Variants in PTPRT observed in about 807,000 individuals in gnomAD.
PTPRT encodes the protein protein tyrosine phosphatase receptor type T.
Under a neutral mutation model 176.8 loss-of-function variants are expected in PTPRT, and 56 were observed. That is an observed-to-expected ratio of 0.32 (90% CI 0.26 to 0.40). The LOEUF (loss-of-function observed/expected upper bound fraction) is 0.40. Ranked by LOEUF, PTPRT falls within the 10% of genes least tolerant of loss-of-function variation. The pLI, the probability that PTPRT is intolerant of heterozygous loss-of-function variation, is 1.00. For synonymous variants in PTPRT, 783 were observed against 739.0 expected (o/e 1.06, Z -0.96); for missense variants, 1,540 against 1,908.2 (o/e 0.81, Z 3.60).
At chr20:43,044,986 C>G (rs986242673) in intron 1 of PTPRT, among the ~76,000 whole-genome samples, 4 of 152,224 alleles carry the variant, frequency 2.6e-5, no homozygotes, top group Non-Finnish European at 1.5e-5. Context: ...GATGGGGTAA[C>G]AGCCTCTAAT....
intron 9 of PTPRT, among the ~76,000 whole-genome samples, chr20:42,426,664 T>C (rs1301003150): frequency 6.6e-6 from 1 of 152,170 alleles, no homozygotes; most frequent in Non-Finnish European, 1.5e-5. Context: ...CCCTGGATGC[T>C]GCTGTGGGGC....
At chr20:42,368,056 A>C (rs1484374980) in intron 9 of PTPRT, among the ~76,000 whole-genome samples, 1 of 152,150 alleles carries the variant, frequency 6.6e-6, no homozygotes, top group Non-Finnish European at 1.5e-5. Flanking sequence ...AAGTTGGTGC[A>C]GGAGTCCCAC....
At chr20:42,389,852 CAA>C (rs769093573) in intron 9 of PTPRT, among the ~76,000 whole-genome samples, 7 of 127,186 alleles carry the variant, frequency 5.5e-5, no homozygotes, top group Admixed American at 1.6e-4. Flanking sequence ...AAAACCCTGT[CAA>C]AAAAAAAAAA....
At chr20:42,294,767 A>G (rs2057364792) in intron 12 of PTPRT, among the ~76,000 whole-genome samples, 1 of 152,062 alleles carries the variant, frequency 6.6e-6, no homozygotes, top group Non-Finnish European at 1.5e-5. Flanking sequence ...CAAGTGAAAA[A>G]CCAAAATATA....
At chr20:42,915,509 C>G (rs1196037558) in intron 1 of PTPRT, among the ~76,000 whole-genome samples, 2 of 152,204 alleles carry the variant, frequency 1.3e-5, no homozygotes, top group Non-Finnish European at 2.9e-5. Context: ...CACATTCTGT[C>G]CCACACAGCT....
At chr20:42,550,970 G>T (rs1397026416) in intron 7 of PTPRT, among the ~76,000 whole-genome samples, 2 of 152,060 alleles carry the variant, frequency 1.3e-5, no homozygotes, top group Non-Finnish European at 2.9e-5. Context: ...AATTGGACTC[G>T]ATTCTCCCCT....
intron 14 of PTPRT, among the ~76,000 whole-genome samples, chr20:42,243,362 C>G (rs780839715): frequency 6.6e-6 from 1 of 152,124 alleles, no homozygotes; most frequent in Non-Finnish European, 1.5e-5. Context: ...CTACAACCAC[C>G]GGGTAGTGTG....
intron 1 of PTPRT, among the ~76,000 whole-genome samples, chr20:42,896,245 G>A (rs1473030348): frequency 1.3e-5 from 2 of 151,658 alleles, no homozygotes; most frequent in Non-Finnish European, 2.9e-5. Flanking sequence ...TTGGCCAGAA[G>A]GTCTGACAAC....
intron 5 of PTPRT, among the ~76,000 whole-genome samples, chr20:42,769,848 T>C (rs1330288224): frequency 6.6e-6 from 1 of 152,210 alleles, no homozygotes; most frequent in Non-Finnish European, 1.5e-5. Flanking sequence ...AGAATAATTC[T>C]GTAGGAAAGA....
At chr20:42,219,483 C>T (rs186611773) in intron 15 of PTPRT, among the ~76,000 whole-genome samples, 125 of 152,274 alleles carry the variant, frequency 8.2e-4, no homozygotes, top group Non-Finnish European at 1.0e-3. Flanking sequence ...AGGAGGCTCA[C>T]CACTTCCCTT....
intron 15 of PTPRT, among the ~76,000 whole-genome samples, chr20:42,223,424 C>T (rs886075476): frequency 2.6e-5 from 4 of 152,202 alleles, no homozygotes; most frequent in African/African-American, 4.8e-5. Context: ...CCAGTCCATG[C>T]TCTTTTCGCT....
chr20:42,767,072 A>C (rs1342756679), intron 5 of PTPRT, among the ~76,000 whole-genome samples: 1 of 152,160 alleles, frequency 6.6e-6, no homozygotes, highest in African/African-American at 2.4e-5. Context: ...GAAACTGGCC[A>C]CTGCCTTGGC....
chr20:42,550,829 C>G (rs1269076737), intron 7 of PTPRT, among the ~76,000 whole-genome samples: 1 of 152,134 alleles, frequency 6.6e-6, no homozygotes, highest in Non-Finnish European at 1.5e-5. Context: ...ATCTATCATA[C>G]ACTTGGTTTT....
chr20:42,612,437 G>T (rs1327493719), intron 7 of PTPRT, among the ~76,000 whole-genome samples: 5 of 152,140 alleles, frequency 3.3e-5, no homozygotes, highest in Admixed American at 6.5e-5. Context: ...CCAGGCAGCA[G>T]CTGAGACTCC....
intron 1 of PTPRT, among the ~76,000 whole-genome samples, chr20:43,070,364 T>A (rs2011164050): frequency 6.6e-6 from 1 of 152,200 alleles, no homozygotes; most frequent in Admixed American, 6.5e-5. Flanking sequence ...GGAACACTTT[T>A]ACACTGTTGG....
At position 42,291,524 on chromosome 20, in the gene PTPRT, T is replaced by C. The variant is rs2057316400; in HGVS notation, c.2140-8999A>G. 2.6e-5 allele frequency among the ~76,000 whole-genome samples: 4 copies of C among 152,148 alleles called. No individual in the cohort carries two copies. The South Asian group carries it at 8.3e-4, about 31-fold the overall frequency. ...GGTTGTGTTTAAAAGTTTAGTACAC[T>C]AAAGTAAGTGAGAAGTGCCAGGTGC... is the stretch of plus-strand genomic sequence containing the variant. On this transcript the variant is annotated intron_variant, in intron 12 of 30. Transcript: ENST00000373187.
At chr20:42,546,535 T>C (rs983886843) in intron 7 of PTPRT, among the ~76,000 whole-genome samples, 1 of 152,130 alleles carries the variant, frequency 6.6e-6, no homozygotes, top group Non-Finnish European at 1.5e-5. Flanking sequence ...CAGGCCATAT[T>C]TAATTTCCTT....
the PTPRT span, among the ~76,000 whole-genome samples, chr20:42,037,082 G>A: frequency 0.014 from 2,081 of 152,258 alleles, 17 homozygotes; most frequent in Middle Eastern, 0.024. Flanking sequence ...TGCAGCAGAA[G>A]CAAACAGGCA....
In PTPRT at chr20:42,678,088, C is replaced by T. The variant is rs2146068147; in HGVS notation, c.931G>A (p.Ala311Thr). The change falls in exon 7 of 31, where the codon GCC (alanine) becomes ACC (threonine). Residue 311 changes from alanine to threonine, a missense_variant. Ala to Thr is a moderately conservative substitution (Grantham distance 58). Transcript: ENST00000373187. ...GATYLWIKPN[A>T]NSIIGDGPII... ...GGGCCATCCCCGATGATGGAGTTGG[C>T]ATTTGGCTTGATCCACAGGTATGTG... 1 of 1,614,150 alleles carries T rather than the reference C, an allele frequency of 6.2e-7. No homozygotes were observed. Among genetic ancestry groups the T allele is most frequent in the African/African-American group, 1.3e-5 (1 of 75,050 alleles).
Sources: allele counts gnomAD v4.1 joint callset (sites outside exome capture counted in the v4.1 genomes callset), GRCh38; gene constraint gnomAD v4.1.1; transcripts MANE v1.5; gene names NCBI Gene and HGNC (gene_info 2026-07-23, HGNC 2026-07-21).